The following NKAIN3 variants were observed in gnomAD, a reference collection of about 807,000 sequenced individuals.
NKAIN3 encodes the protein sodium/potassium transporting ATPase interacting 3.
Under a neutral mutation model 30.2 loss-of-function variants are expected in NKAIN3, and 25 were observed. The observed-to-expected ratio is 0.83, with a 90% confidence interval of 0.60 to 1.16. The LOEUF (loss-of-function observed/expected upper bound fraction) is 1.16. Among genes scored for constraint, NKAIN3 ranks in the 50% most tolerant of loss-of-function variants. NKAIN3 has a pLI of 0.00. For missense variants in NKAIN3, 225 were observed against 254.1 expected (o/e 0.89, Z 0.78); for synonymous variants, 91 against 89.6 (o/e 1.02, Z -0.09).
chr8:62,771,345 A>C (rs1006268942), intron 4 of NKAIN3, among the ~76,000 whole-genome samples: 6 of 150,618 alleles, frequency 4.0e-5, no homozygotes, highest in Admixed American at 1.3e-4. Context: ...ATAAAGAAAG[A>C]GATTTTTAAA....
rs182475577 is a variant in NKAIN3, at chr8:62,969,135, A to T, written c.*3728A>T. ...GGCTCATTTGTTTTGAAGATACTCG[A>T]CACTTTGCCCTAGCAAAATATTGAC... On this transcript the variant is annotated 3_prime_UTR_variant, in exon 7 of 7. Transcript: ENST00000623646. Among the ~76,000 whole-genome samples the T allele has an allele frequency of 4.6e-5, 7 of 152,336 alleles. 1 individual carries two copies. The East Asian group carries it at 1.3e-3, about 29-fold the overall frequency.
chr8:62,301,327 T>G (rs1814044736), intron 1 of NKAIN3, among the ~76,000 whole-genome samples: 1 of 152,062 alleles, frequency 6.6e-6, no homozygotes, highest in South Asian at 2.1e-4. Flanking sequence ...AAAGAAGTAT[T>G]TGCCAATTGG....
At chr8:62,544,725 C>A (rs1808953454) in intron 1 of NKAIN3, among the ~76,000 whole-genome samples, 1 of 110,142 alleles carries the variant, frequency 9.1e-6, no homozygotes, top group South Asian at 3.0e-4. Context: ...AAAGTACAAA[C>A]AATCCTTGAA....
At chr8:62,563,393 C>G (rs957245327) in intron 1 of NKAIN3, among the ~76,000 whole-genome samples, 1 of 152,002 alleles carries the variant, frequency 6.6e-6, no homozygotes, top group African/African-American at 2.4e-5. Context: ...ACATTCTTAC[C>G]TAAAGCATTA....
chr8:62,913,507 T>C (rs908559324), intron 4 of NKAIN3, among the ~76,000 whole-genome samples: 4 of 152,204 alleles, frequency 2.6e-5, no homozygotes, highest in South Asian at 2.1e-4. Context: ...CAAAACTCCA[T>C]ACTATAATGC....
intron 4 of NKAIN3, chr8:62,863,391 C>T (rs1820315857): frequency 6.5e-7 from 1 of 1,545,838 alleles, no homozygotes; most frequent in Non-Finnish European, 8.8e-7. Context: ...CCATACACAT[C>T]AAGATGTTTT....
Position 62,334,208 on chromosome 8 carries a change from A to G in NKAIN3, c.54+85081A>G, listed in dbSNP as rs569206398. 3.3e-5 allele frequency among the ~76,000 whole-genome samples: 5 copies of G among 150,978 alleles called. No homozygotes were observed. The Admixed American group carries it at 3.3e-4, about 10-fold the overall frequency. ...TCATGGCTGCAGGAACAAGGTCCAC[A>G]AATCAAGTTGCTTAAAACAACAGAT... On this transcript the variant is annotated intron_variant, in intron 1 of 6. Coordinates refer to ENST00000623646, the MANE Select transcript of NKAIN3 (RefSeq NM_001304533.3).
At chr8:62,456,782 G>T (rs1251133699) in intron 1 of NKAIN3, among the ~76,000 whole-genome samples, 4 of 152,210 alleles carry the variant, frequency 2.6e-5, no homozygotes, top group Non-Finnish European at 1.5e-5. Context: ...TGGAGTTATT[G>T]CAATCTTAAC....
At chr8:62,450,060 T>C (rs1050937195) in intron 1 of NKAIN3, among the ~76,000 whole-genome samples, 1 of 152,196 alleles carries the variant, frequency 6.6e-6, no homozygotes, top group African/African-American at 2.4e-5. Context: ...AAGAAAGTTA[T>C]AGCTTTTGCT....
At chr8:62,479,141 A>C (rs16928991) in intron 1 of NKAIN3, among the ~76,000 whole-genome samples, 21,514 of 152,130 alleles carry the variant, frequency 0.14, 1,712 homozygotes, top group East Asian at 0.35. Context: ...CTCCTTGTTC[A>C]CCAAACCTGA....
chr8:62,695,890 A>G (rs1814138959), intron 3 of NKAIN3, among the ~76,000 whole-genome samples: 1 of 152,188 alleles, frequency 6.6e-6, no homozygotes, highest in African/African-American at 2.4e-5. Flanking sequence ...TACAATAGGA[A>G]AATTTTTTAA....
chr8:62,805,145 TAA>T (rs1818228555), intron 4 of NKAIN3, among the ~76,000 whole-genome samples: 1 of 151,744 alleles, frequency 6.6e-6, no homozygotes, highest in South Asian at 2.1e-4. Flanking sequence ...CTCAATGAAA[TAA>T]AAGAGGATAC....
intron 2 of NKAIN3, among the ~76,000 whole-genome samples, chr8:62,588,337 T>C (rs1810541752): frequency 6.6e-6 from 1 of 151,850 alleles, no homozygotes; most frequent in Non-Finnish European, 1.5e-5. Flanking sequence ...TTTTTACTTA[T>C]CTTAACTTTT....
intron 1 of NKAIN3, among the ~76,000 whole-genome samples, chr8:62,265,545 A>G (rs150638088): frequency 0.011 from 1,676 of 152,318 alleles, 14 homozygotes; most frequent in Middle Eastern, 0.027. Flanking sequence ...ATATTTATAC[A>G]TTTTAACATA....
In NKAIN3 at chr8:62,494,919, C is replaced by T. The variant is rs77566059; in HGVS notation, c.55-84620C>T. On this transcript the variant is annotated intron_variant, in intron 1 of 6. Transcript: ENST00000623646. ...CTCTCTTTTCTTTTTATTAGTCTAGCTAGCACCCTATCAATCTTATTAGCT... is the reference window on the plus strand; with the variant it reads ...CTCTCTTTTCTTTTTATTAGTCTAGTTAGCACCCTATCAATCTTATTAGCT... Among the ~76,000 whole-genome samples, 12 of 152,158 alleles carry T rather than the reference C, an allele frequency of 7.9e-5. No homozygotes were observed. The East Asian group carries it at 2.3e-3, about 29-fold the overall frequency.
chr8:62,544,895 T>C (rs1270989744), intron 1 of NKAIN3, among the ~76,000 whole-genome samples: 3 of 152,178 alleles, frequency 2.0e-5, no homozygotes, highest in African/African-American at 7.2e-5. Flanking sequence ...GTATTATATA[T>C]TGTATTCTTA....
chr8:62,529,461 G>C (rs1808419769), intron 1 of NKAIN3, among the ~76,000 whole-genome samples: 1 of 152,156 alleles, frequency 6.6e-6, no homozygotes, highest in African/African-American at 2.4e-5. Context: ...TAAGGGAGCA[G>C]GCCTTTGGAA....
intron 1 of NKAIN3, among the ~76,000 whole-genome samples, chr8:62,305,317 T>C (rs1814194486): frequency 1.3e-5 from 2 of 150,292 alleles, no homozygotes; most frequent in South Asian, 4.1e-4. Context: ...TCAACAGAAA[T>C]TGGGTTTTAA....
At chr8:62,859,623 CGT>C (rs1229110513) in intron 4 of NKAIN3, among the ~76,000 whole-genome samples, 1 of 150,430 alleles carries the variant, frequency 6.6e-6, no homozygotes, top group African/African-American at 2.4e-5. Context: ...TGTGTGCATG[CGT>C]GTGTGTGTGC....
Sources: allele counts gnomAD v4.1 joint callset (sites outside exome capture counted in the v4.1 genomes callset), GRCh38; gene constraint gnomAD v4.1.1; transcripts MANE v1.5; gene names NCBI Gene and HGNC (gene_info 2026-07-23, HGNC 2026-07-21).